Variants in ETV6 observed in about 807,000 individuals in gnomAD.
ETV6 encodes ETS variant transcription factor 6.
In ETV6, 16 loss-of-function variants were observed where a neutral mutation model predicts 51.1. The observed-to-expected ratio is 0.31, with a 90% CI of 0.21 to 0.48. The LOEUF is 0.48. ETV6 is among the 20% of genes least tolerant of loss of function. ETV6 has a pLI of 0.99. For synonymous variants in ETV6, 240 were observed against 224.1 expected (o/e 1.07, Z -0.64); for missense variants, 458 against 594.8 (o/e 0.77, Z 2.39).
intron 2 of ETV6, among the ~76,000 whole-genome samples, chr12:11,836,606 C>T (rs1488782660): frequency 2.0e-5 from 3 of 152,130 alleles, no homozygotes; most frequent in African/African-American, 7.2e-5. Context: ...GAGTGTGACT[C>T]TTCTTGTATT....
At chr12:11,715,070 C>G (rs1865249927) in intron 1 of ETV6, among the ~76,000 whole-genome samples, 1 of 152,076 alleles carries the variant, frequency 6.6e-6, no homozygotes, top group Non-Finnish European at 1.5e-5. Flanking sequence ...TGAGATTTTT[C>G]AAATGGGGAA....
At chr12:11,656,980 C>CT (rs1158651493) in intron 1 of ETV6, among the ~76,000 whole-genome samples, 2 of 152,038 alleles carry the variant, frequency 1.3e-5, no homozygotes, top group African/African-American at 4.8e-5. Flanking sequence ...AAGGAATCAT[C>CT]TTTTTTTGAC....
intron 1 of ETV6, among the ~76,000 whole-genome samples, chr12:11,727,557 C>T (rs1865513405): frequency 6.6e-6 from 1 of 152,196 alleles, no homozygotes; most frequent in African/African-American, 2.4e-5. Flanking sequence ...GAAGTAAGAC[C>T]TAAGAAAACA....
chr12:11,779,786 A>T (rs1240661662), intron 2 of ETV6, among the ~76,000 whole-genome samples: 3 of 152,230 alleles, frequency 2.0e-5, no homozygotes, highest in Non-Finnish European at 4.4e-5. Flanking sequence ...TGGTTGGTAT[A>T]GACGGTGCTC....
intron 1 of ETV6, among the ~76,000 whole-genome samples, chr12:11,690,732 T>C (rs1020092599): frequency 2.0e-5 from 3 of 151,498 alleles, no homozygotes; most frequent in African/African-American, 7.3e-5. Context: ...ACTAAAAATA[T>C]GAAAATTAGC....
intron 1 of ETV6, among the ~76,000 whole-genome samples, chr12:11,727,906 A>AC (rs1865520279): frequency 6.6e-6 from 1 of 151,702 alleles, no homozygotes; most frequent in African/African-American, 2.4e-5. Flanking sequence ...TCCACCCTCT[A>AC]CCTCCCGGGC....
intron 3 of ETV6, chr12:11,840,402 T>A (rs1946371922): frequency 4.4e-6 from 2 of 455,938 alleles, no homozygotes; most frequent in South Asian, 3.1e-5. Flanking sequence ...GGTTTATGCC[T>A]CTTGCGGGAT....
At chr12:11,746,788 CTCTTTTTT>C (rs1234490508) in intron 1 of ETV6, among the ~76,000 whole-genome samples, 1 of 101,358 alleles carries the variant, frequency 9.9e-6, no homozygotes, top group African/African-American at 3.3e-5. Context: ...CTCTCTCTCT[CTCTTTTTT>C]TTTTTTTTTT....
chr12:11,887,730 G>GAGCGAGACTCCATC (rs1405615910), intron 7 of ETV6, among the ~76,000 whole-genome samples: 1 of 146,340 alleles, frequency 6.8e-6, no homozygotes, highest in African/African-American at 2.6e-5. Context: ...CCTGGTGACA[G>GAGCGAGACTCCATC]AGCGAGACTC....
chr12:11,714,649 GAA>G (rs10709538), intron 1 of ETV6, among the ~76,000 whole-genome samples: 3,936 of 86,918 alleles, frequency 0.045, 84 homozygotes, highest in Non-Finnish European at 0.066. Context: ...ACCTTGAGGT[GAA>G]AAAAAAAAAA....
At chr12:11,738,263 CTCTCTT>C (rs983638845) in intron 1 of ETV6, among the ~76,000 whole-genome samples, 5 of 148,224 alleles carry the variant, frequency 3.4e-5, no homozygotes, top group African/African-American at 1.3e-4. Context: ...CTTCCTTCCT[CTCTCTT>C]TCTCTTTCTC....
At chr12:11,765,718 G>C (rs1321792034) in intron 2 of ETV6, among the ~76,000 whole-genome samples, 4 of 150,948 alleles carry the variant, frequency 2.6e-5, no homozygotes, top group African/African-American at 4.9e-5. Context: ...GCGTGCATGG[G>C]GAAAAAAAAA....
Position 11,672,276 on chromosome 12 carries a change from T to TG in ETV6, c.33+22117dup, listed in dbSNP as rs1565480919. On this transcript the variant is annotated intron_variant, in intron 1 of 7. Transcript: ENST00000396373. ...CTCTGAGATCCTATTAAACAGAAAA[T>TG]GCCCTGAACACCAGTATATGAAAAT... 2.6e-5 allele frequency among the ~76,000 whole-genome samples: 4 copies of TG among 152,182 alleles called. 1 individual carries two copies. The South Asian group carries it at 6.2e-4, about 24-fold the overall frequency.
chr12:11,697,991 A>C (rs1864909178), intron 1 of ETV6, among the ~76,000 whole-genome samples: 1 of 152,216 alleles, frequency 6.6e-6, no homozygotes, highest in Non-Finnish European at 1.5e-5. Context: ...TTTGAAAATA[A>C]ATTGAAAACA....
At chr12:11,882,902 G>T (rs1242530409) in intron 5 of ETV6, among the ~76,000 whole-genome samples, 1 of 152,220 alleles carries the variant, frequency 6.6e-6, no homozygotes, top group Non-Finnish European at 1.5e-5. Flanking sequence ...AAGTAAAAAA[G>T]AAAGAACATT....
chr12:11,758,541 T>A (rs772067624), intron 2 of ETV6, among the ~76,000 whole-genome samples: 2 of 152,186 alleles, frequency 1.3e-5, no homozygotes, highest in African/African-American at 2.4e-5. Context: ...TTCCAGGGGC[T>A]CAGTTTTGCT....
chr12:11,663,885 T>C (rs1864147379), intron 1 of ETV6, among the ~76,000 whole-genome samples: 1 of 152,232 alleles, frequency 6.6e-6, no homozygotes, highest in Non-Finnish European at 1.5e-5. Flanking sequence ...TAGTTTTCTT[T>C]AAGCTGGCTT....
rs376951936 is a variant in ETV6 at position 11,715,211 on chromosome 12, C to A, written c.34-37239C>A. Among the ~76,000 whole-genome samples the A allele has an allele frequency of 3.3e-5, 5 of 152,110 alleles. No homozygotes were observed. The East Asian group carries it at 9.6e-4, about 29-fold the overall frequency. The stretch of plus-strand genomic sequence containing the variant: ...TATAGGCTATTTCTCTTTTCACTGG[C>A]CTTTAGATAGACTGGATTAGTGGAG... On this transcript the variant is annotated intron_variant, in intron 1 of 7. Transcript: ENST00000396373.
chr12:11,797,839 A>G (rs1212673972), intron 2 of ETV6, among the ~76,000 whole-genome samples: 2 of 152,244 alleles, frequency 1.3e-5, no homozygotes, highest in African/African-American at 2.4e-5. Context: ...TACCAGAGAA[A>G]GTGGACATTC....
Sources: allele counts gnomAD v4.1 joint callset (sites outside exome capture counted in the v4.1 genomes callset), GRCh38; gene constraint gnomAD v4.1.1; transcripts MANE v1.5; gene names NCBI Gene and HGNC (gene_info 2026-07-23, HGNC 2026-07-21).